Variants in USP1 observed in about 807,000 individuals in gnomAD.
The protein encoded by USP1 is ubiquitin carboxyl-terminal hydrolase 1.
A neutral mutation model predicts 72.2 loss-of-function variants in USP1; 18 were observed. The ratio of observed to expected loss-of-function variants is 0.25; its 90% CI spans 0.17 to 0.37. The LOEUF (loss-of-function observed/expected upper bound fraction) is 0.37. Among genes scored for constraint, USP1 ranks in the 10% least tolerant of loss-of-function variants. The probability of loss-of-function intolerance (pLI) is 1.00; values close to 1 mark genes in which losing one functional copy is unlikely to be tolerated. For missense variants in USP1, 759 were observed against 884.9 expected (o/e 0.86, Z 1.81); for synonymous variants, 354 against 303.7 (o/e 1.17, Z -1.72).
chr1:62,439,579 T>C (rs1397223507), intron 1 of USP1, among the ~76,000 whole-genome samples: 3 of 152,240 alleles, frequency 2.0e-5, no homozygotes, highest in Non-Finnish European at 4.4e-5. Flanking sequence ...GCAGGCTGAT[T>C]TTAAAAATTC....
At chr1:62,449,663 C>A (rs1454263744) in intron 8 of USP1, among the ~76,000 whole-genome samples, 4 of 152,058 alleles carry the variant, frequency 2.6e-5, no homozygotes, top group African/African-American at 9.7e-5. Context: ...CACCTGTAAT[C>A]CTAGCACTTT....
Position 62,443,391 on chromosome 1 carries a change from C to T in USP1, c.557+72C>T, listed in dbSNP as rs1035428055. On this transcript the variant is annotated intron_variant, in intron 5 of 8. Transcript: ENST00000339950. ...TATATCCTTGGAGGAGAATGACATGCGAAGAAACAGGAATAAAGGGCAAGG... is the reference window on the plus strand; with the variant it reads ...TATATCCTTGGAGGAGAATGACATGTGAAGAAACAGGAATAAAGGGCAAGG... The T allele has an allele frequency of 3.9e-5, 55 of 1,396,338 alleles. No homozygotes were observed. The South Asian group carries it at 4.6e-4, about 12-fold the overall frequency. The allele number at this position is 1,396,338 out of a possible 1,614,324, so 86.5% of individuals were successfully genotyped here. A position where few individuals can be genotyped will look rare whatever the true frequency, so the allele number is the denominator to read the frequency against.
intron 6 of USP1, 71 bp downstream of exon 6, chr1:62,445,500 G>A: frequency 1.5e-6 from 2 of 1,338,284 alleles, no homozygotes; most frequent in Non-Finnish European, 1.0e-6. Flanking sequence ...TCTCTTCCTA[G>A]ATACATGTAC....
chr1:62,446,803 TTTTA>T (rs1407752291), intron 6 of USP1, among the ~76,000 whole-genome samples: 9 of 151,990 alleles, frequency 5.9e-5, no homozygotes, highest in Non-Finnish European at 2.9e-5. Context: ...ACTGACTTTT[TTTTA>T]TTTTTTATTT....
At chr1:62,437,045 T>A (rs1255695836), upstream of USP1, 3 of 398,488 alleles carry the variant, frequency 7.5e-6, no homozygotes, top group African/African-American at 2.1e-5. Context: ...GTCCTGAGAC[T>A]GAGGAAAACG....
In USP1 at chr1:62,445,005, T is replaced by A; in HGVS notation, c.825T>A (p.Thr275=). ...GAAATGGGAAAAGAAAAAGTGACAC[T>A]GAATTTGGTAACATGAAGAAAAAAG... ...PKGNGKRKSD[T]EFGNMKKKVK... Residue 275 remains threonine (T), a synonymous_variant, in exon 6 of 9, where the codon ACT becomes ACA. Transcript: ENST00000339950. 1 of 1,613,406 alleles carries A rather than the reference T, an allele frequency of 6.2e-7. No individual in the cohort carries two copies. Among genetic ancestry groups the A allele is most frequent in the Non-Finnish European group, 8.5e-7 (1 of 1,179,846 alleles).
At chr1:62,437,966 A>AGAT (rs927338280) in intron 1 of USP1, among the ~76,000 whole-genome samples, 32 of 152,348 alleles carry the variant, frequency 2.1e-4, no homozygotes, top group African/African-American at 7.7e-4. Context: ...CGCTGTCAAC[A>AGAT]GATAATGGTC....
chr1:62,444,032 G>A (rs938509616), intron 5 of USP1, among the ~76,000 whole-genome samples: 2 of 152,076 alleles, frequency 1.3e-5, no homozygotes, highest in Non-Finnish European at 2.9e-5. Context: ...GTGAAGGTAG[G>A]TGGGTCATTT....
At chr1:62,439,503 C>T (rs1282125126) in intron 1 of USP1, among the ~76,000 whole-genome samples, 1 of 152,164 alleles carries the variant, frequency 6.6e-6, no homozygotes, top group Admixed American at 6.5e-5. Flanking sequence ...TAAGTTTTTA[C>T]TACTTATACT....
chr1:62,449,640 C>T (rs532458381), intron 8 of USP1, among the ~76,000 whole-genome samples: 7 of 152,092 alleles, frequency 4.6e-5, no homozygotes, highest in South Asian at 2.1e-4. Flanking sequence ...ATGGGCTGGG[C>T]GTGGGTGGCT....
intron 1 of USP1, among the ~76,000 whole-genome samples, chr1:62,438,277 C>A (rs919315508): frequency 1.3e-5 from 2 of 152,024 alleles, no homozygotes; most frequent in East Asian, 3.9e-4. Context: ...CGAGAAAAAC[C>A]TTTTATCAGA....
chr1:62,447,349 C>A lies in USP1; in HGVS notation c.1258C>A (p.Gln420Lys), dbSNP rs1645182822. ...EVKPINKGEE[Q>K]IGFELVEKLF... ...TCCTATTTTCATTTTAGGTGAAGAA[C>A]AAATTGGTTTTGAGCTAGTGGAGAA... is the stretch of plus-strand genomic sequence containing the variant. The change falls in exon 7 of 9, where the codon CAA becomes AAA. Residue 420 changes from glutamine to lysine, a missense_variant. Physicochemically the swap from Gln to Lys is moderately conservative, Grantham distance 53. Around this residue, in one of 9 missense-constraint regions of USP1, gnomAD observed 245 missense variants for 240.7 expected, o/e 1.02. Coordinates refer to ENST00000339950, the MANE Select transcript of USP1 (RefSeq NM_003368.5). 1 of 1,612,268 alleles carries A rather than the reference C, an allele frequency of 6.2e-7. No individual in the cohort carries two copies. Among genetic ancestry groups the A allele is most frequent in the African/African-American group, 1.3e-5 (1 of 74,762 alleles).
chr1:62,439,839 T>G lies in USP1; in HGVS notation c.-29T>G. ...ACAACTTTCCTCTATAAATTAACTC[T>G]TGACACTCCTTGGGATTTGAAGAAA... On this transcript the variant is annotated 5_prime_UTR_variant, in exon 2 of 9. Coordinates refer to ENST00000339950, the MANE Select transcript of USP1 (RefSeq NM_003368.5). The G allele has an allele frequency of 7.3e-7, 1 of 1,363,632 alleles. No homozygotes were observed. 84.5% of individuals were successfully genotyped at this position (1,363,632 alleles called of 1,614,324 possible). A position where few individuals can be genotyped will look rare whatever the true frequency, so the allele number is the denominator to read the frequency against.
At chr1:62,441,976 T>G (rs1557554147) in intron 3 of USP1, among the ~76,000 whole-genome samples, 1 of 152,190 alleles carries the variant, frequency 6.6e-6, no homozygotes. Context: ...AACCTTAAAG[T>G]CTTAGCAATA....
intron 6 of USP1, among the ~76,000 whole-genome samples, chr1:62,446,408 A>G (rs1181567851): frequency 1.3e-5 from 2 of 152,224 alleles, no homozygotes; most frequent in Non-Finnish European, 2.9e-5. Context: ...GTTACGGGCT[A>G]CAGGCAAGCT....
At chr1:62,442,347 T>A (rs1305164846) in intron 4 of USP1, 48 bp downstream of exon 4, 13 of 1,367,774 alleles carry the variant, frequency 9.5e-6, no homozygotes, top group Non-Finnish European at 1.2e-5. Context: ...AAAAGTAAAT[T>A]AATGGAAATT....
chr1:62,445,172 C>T lies in USP1; in HGVS notation c.992C>T (p.Ser331Leu), dbSNP rs761323951. 1 of 1,613,168 alleles carries T rather than the reference C, an allele frequency of 6.2e-7. No individual in the cohort carries two copies. Among genetic ancestry groups the T allele is most frequent in the South Asian group, 1.1e-5 (1 of 90,820 alleles). Residue 331 changes from serine (S) to leucine (L), a missense_variant, in exon 6 of 9, where the codon TCA becomes TTA. Ser to Leu is a moderately radical substitution (Grantham distance 145). This residue lies in a region of USP1 where 245 missense variants were observed against 240.7 expected (regional missense o/e 1.02). Coordinates refer to ENST00000339950, the MANE Select transcript of USP1 (RefSeq NM_003368.5). ...YISENESPRP[S>L]QKKSRVKINW... ...TCTGAAAATGAGAGTCCAAGACCCT[C>T]ACAAAAGAAATCAAGAGTTAAAATA... is the stretch of plus-strand genomic sequence containing the variant.
At position 62,448,452 on chromosome 1, in the gene USP1, TTC is replaced by T. The variant is rs1645191774; in HGVS notation, c.1421-9_1421-8del. ...TGAGAGAAGTATTTGAGTGAAAGGA[TTC>T]TCTTTTTTAGTTTCTCCAGAGCCAA... On this transcript the variant is annotated splice_polypyrimidine_tract_variant and intron_variant, in intron 7 of 8. Coordinates refer to ENST00000339950, the MANE Select transcript of USP1 (RefSeq NM_003368.5). The T allele has an allele frequency of 3.1e-6, 5 of 1,611,078 alleles. No homozygotes were observed. Among genetic ancestry groups the T allele is most frequent in the Non-Finnish European group, 4.2e-6 (5 of 1,178,502 alleles).
chr1:62,451,804 A>T lies in USP1; in HGVS notation c.*823A>T, dbSNP rs759626207. 3 of 152,594 alleles carry T rather than the reference A, an allele frequency of 2.0e-5. 1 individual carries two copies. The highest frequency in any genetic ancestry group is 4.1e-4 in the South Asian group (2 of 4,832). 9.5% of individuals were successfully genotyped at this position (152,594 alleles called of 1,614,324 possible). A position where few individuals can be genotyped will look rare whatever the true frequency, so the allele number is the denominator to read the frequency against. ...ATACAGCTGAGTTTTCTTAAAGCGA[A>T]TAAGTGTGTGTATATATATATGTAT... On this transcript the variant is annotated 3_prime_UTR_variant, in exon 9 of 9. Transcript: ENST00000339950.
Sources: allele counts gnomAD v4.1 joint callset (sites outside exome capture counted in the v4.1 genomes callset), GRCh38; gene constraint gnomAD v4.1.1; regional missense constraint gnomAD v4.1.1; transcripts MANE v1.5; gene names NCBI Gene and HGNC (gene_info 2026-07-23, HGNC 2026-07-21).